The following NFKB1 variants were observed in gnomAD, a reference collection of about 807,000 sequenced individuals.
The protein encoded by NFKB1 is nuclear factor NF-kappa-B p105 subunit.
Under a neutral mutation model 105.1 loss-of-function variants are expected in NFKB1, and 9 were observed. The observed-to-expected ratio is 0.09, with a 90% CI of 0.05 to 0.15. The LOEUF is 0.15. Ranked by LOEUF, NFKB1 falls within the 10% of genes least tolerant of loss-of-function variation. The pLI, the probability that NFKB1 is intolerant of heterozygous loss-of-function variation, is 1.00. For missense variants in NFKB1, 830 were observed against 1,203.7 expected, an observed-to-expected ratio of 0.69 and a Z score of 4.59; for synonymous variants, 440 against 442.2, an observed-to-expected ratio of 1.00 and a Z score of 0.06.
In NFKB1 at chr4:102,580,948, AAAAT is replaced by A. The variant is rs146822226; in HGVS notation, c.835+316_835+319del. ...ATTAATATCTGTACTTTGTTAAACA[AAAAT>A]AAATAATAGCCCATTCTTGACACAC... On this transcript the variant is annotated intron_variant, in intron 9 of 23. Coordinates refer to ENST00000226574, the MANE Select transcript of NFKB1 (RefSeq NM_003998.4). Among the ~76,000 whole-genome samples, 102 of 152,366 alleles carry A rather than the reference AAAAT, an allele frequency of 6.7e-4. 1 individual carries two copies. In the East Asian group the frequency reaches 0.015, roughly 22 times the overall value.
At chr4:102,522,602 A>G (rs982245382) in intron 1 of NFKB1, among the ~76,000 whole-genome samples, 1 of 152,204 alleles carries the variant, frequency 6.6e-6, no homozygotes, top group East Asian at 1.9e-4. Flanking sequence ...TAGAGTGAGG[A>G]CTGCTTTATG....
Position 102,537,754 on chromosome 4 carries a change from C to T in NFKB1, c.160-104C>T, listed in dbSNP as rs41452347. ...TTTCACAGTTTCATGTTTTTCTTCTCTCATTTAGTAGACATAAGATTTAAA... is the reference window on the plus strand; with the variant it reads ...TTTCACAGTTTCATGTTTTTCTTCTTTCATTTAGTAGACATAAGATTTAAA... On this transcript the variant is annotated intron_variant, in intron 4 of 23. Coordinates refer to ENST00000226574, the MANE Select transcript of NFKB1 (RefSeq NM_003998.4). The T allele has an allele frequency of 3.2e-3, 1,846 of 574,498 alleles. 21 individuals carry two copies. Among genetic ancestry groups the T allele is most frequent in the African/African-American group, 0.03 (1,562 of 52,378 alleles). 35.6% of individuals were successfully genotyped at this position (574,498 alleles called of 1,614,324 possible). A position where few individuals can be genotyped will look rare whatever the true frequency, so the allele number is the denominator to read the frequency against.
intron 23 of NFKB1, among the ~76,000 whole-genome samples, chr4:102,614,102 C>G (rs4648122): frequency 0.022 from 3,296 of 152,144 alleles, 124 homozygotes; most frequent in African/African-American, 0.072. Context: ...TATTTCTAAA[C>G]CCCCAACACT....
chr4:102,579,660 T>C (rs1725168768), intron 8 of NFKB1, among the ~76,000 whole-genome samples: 1 of 147,146 alleles, frequency 6.8e-6, no homozygotes, highest in Non-Finnish European at 1.5e-5. Flanking sequence ...TATATATATA[T>C]ATATGTATAT....
chr4:102,552,936 C>A (rs1359506599), intron 5 of NFKB1, among the ~76,000 whole-genome samples: 1 of 152,064 alleles, frequency 6.6e-6, no homozygotes, highest in East Asian at 1.9e-4. Context: ...AGATTGTGTT[C>A]TCTTTTGCCC....
At chr4:102,552,547 G>A (rs774346422) in intron 5 of NFKB1, among the ~76,000 whole-genome samples, 1 of 152,032 alleles carries the variant, frequency 6.6e-6, no homozygotes, top group Non-Finnish European at 1.5e-5. Flanking sequence ...TTTTTTATTT[G>A]TATGCCCTTA....
Position 102,575,774 on chromosome 4 carries a change from A to G in NFKB1, c.408-1102A>G, listed in dbSNP as rs528967902. Among the ~76,000 whole-genome samples, 3 of 152,184 alleles carry G rather than the reference A, an allele frequency of 2.0e-5. No homozygotes were observed. The South Asian group carries it at 6.2e-4, about 32-fold the overall frequency. On this transcript the variant is annotated intron_variant, in intron 6 of 23. Transcript: ENST00000226574. ...TTTTCTACTACCTCTCCTGTTCCTCATTCCTACCTTATTTTTCTGGATAAC... is the reference window on the plus strand; with the variant it reads ...TTTTCTACTACCTCTCCTGTTCCTCGTTCCTACCTTATTTTTCTGGATAAC...
At chr4:102,602,133 TTAAAG>T (rs1156975767) in intron 16 of NFKB1, among the ~76,000 whole-genome samples, 1 of 152,212 alleles carries the variant, frequency 6.6e-6, no homozygotes, top group African/African-American at 2.4e-5. Flanking sequence ...TTTCCTCACT[TTAAAG>T]GAAAATGCTT....
At chr4:102,547,828 T>G (rs1722255895) in intron 5 of NFKB1, among the ~76,000 whole-genome samples, 1 of 152,146 alleles carries the variant, frequency 6.6e-6, no homozygotes, top group Non-Finnish European at 1.5e-5. Flanking sequence ...ATATCCTTTC[T>G]TCTGTCTGGG....
intron 4 of NFKB1, among the ~76,000 whole-genome samples, chr4:102,534,873 T>C (rs557224231): frequency 2.6e-5 from 4 of 152,300 alleles, no homozygotes; most frequent in African/African-American, 9.6e-5. Context: ...ATCCACTGCG[T>C]TGTGGTTTCC....
chr4:102,602,362 C>T (rs1160074805), intron 16 of NFKB1, among the ~76,000 whole-genome samples: 2 of 148,808 alleles, frequency 1.3e-5, no homozygotes, highest in East Asian at 3.9e-4. Context: ...AACCCCGTCT[C>T]TACTAGAAAT....
intron 1 of NFKB1, among the ~76,000 whole-genome samples, chr4:102,509,701 C>G (rs530457248): frequency 1.3e-5 from 2 of 152,304 alleles, no homozygotes; most frequent in South Asian, 4.1e-4. Context: ...CAGTAGATTT[C>G]TCATGCCAGA....
At chr4:102,543,118 G>A (rs559925451) in intron 5 of NFKB1, among the ~76,000 whole-genome samples, 36 of 152,280 alleles carry the variant, frequency 2.4e-4, no homozygotes, top group Admixed American at 3.3e-4. Context: ...TTTTGACTCA[G>A]CAAGGAGTGC....
At chr4:102,604,444 T>C (rs1727504541) in intron 16 of NFKB1, among the ~76,000 whole-genome samples, 1 of 152,130 alleles carries the variant, frequency 6.6e-6, no homozygotes, top group African/African-American at 2.4e-5. Flanking sequence ...AACCTGGAAA[T>C]AGACGTTGAT....
chr4:102,528,058 A>C (rs1400372947), intron 2 of NFKB1, among the ~76,000 whole-genome samples: 2 of 152,040 alleles, frequency 1.3e-5, no homozygotes, highest in African/African-American at 4.8e-5. Context: ...GCATGTCCTC[A>C]GTGTTTTAGT....
intron 16 of NFKB1, among the ~76,000 whole-genome samples, chr4:102,604,149 T>C (rs1474077872): frequency 6.6e-6 from 1 of 152,232 alleles, no homozygotes; most frequent in East Asian, 1.9e-4. Context: ...CAAATGTCAC[T>C]ATTGTGTTTA....
intron 5 of NFKB1, among the ~76,000 whole-genome samples, chr4:102,539,353 C>G (rs1488669954): frequency 2.0e-5 from 3 of 151,870 alleles, no homozygotes; most frequent in Non-Finnish European, 2.9e-5. Flanking sequence ...AATTTCTTAT[C>G]CTTATTCCCA....
chr4:102,585,543 T>A (rs896391350), intron 11 of NFKB1, among the ~76,000 whole-genome samples: 12 of 152,316 alleles, frequency 7.9e-5, no homozygotes, highest in Non-Finnish European at 1.5e-4. Context: ...TTGGCCAACA[T>A]GCACTGTGAA....
intron 5 of NFKB1, among the ~76,000 whole-genome samples, chr4:102,552,860 C>T (rs895728475): frequency 6.6e-6 from 1 of 152,092 alleles, no homozygotes; most frequent in African/African-American, 2.4e-5. Flanking sequence ...TTCCCCCCTT[C>T]CTACTTTTGT....
Sources: gnomAD v4.1 joint callset for allele counts (sites outside exome capture counted in the v4.1 genomes callset) on GRCh38, gnomAD v4.1.1 for gene constraint, MANE v1.5 for transcripts, NCBI Gene and HGNC (gene_info 2026-07-23, HGNC 2026-07-21) for gene names.